The following PALS2 variants were observed in gnomAD, a reference collection of about 807,000 sequenced individuals.
PALS2 encodes protein associated with LIN7 2, MAGUK p55 family member.
PALS2 carries 27 observed loss-of-function variants against 61.6 expected under a neutral mutation model. The observed-to-expected ratio is 0.44, with a 90% CI of 0.32 to 0.60. The LOEUF (loss-of-function observed/expected upper bound fraction) is 0.60, where lower values mean the gene tolerates loss of function less well. Ranked by LOEUF, PALS2 falls within the 20% of genes least tolerant of loss-of-function variation. The pLI, the probability that PALS2 is intolerant of heterozygous loss-of-function variation, is 0.05. For missense variants in PALS2, 554 were observed against 639.4 expected, an observed-to-expected ratio of 0.87 and a Z score of 1.44; for synonymous variants, 236 against 218.6, an observed-to-expected ratio of 1.08 and a Z score of -0.70.
At chr7:24,597,562 T>A (rs1033582108) in intron 1 of PALS2, among the ~76,000 whole-genome samples, 2 of 152,190 alleles carry the variant, frequency 1.3e-5, no homozygotes, top group African/African-American at 4.8e-5. Context: ...ATGGAGAAGA[T>A]GTTAGCACAT....
At chr7:24,631,795 CTG>C (rs1785007284) in intron 2 of PALS2, among the ~76,000 whole-genome samples, 3 of 152,218 alleles carry the variant, frequency 2.0e-5, no homozygotes, top group South Asian at 4.1e-4. Flanking sequence ...GATTTTGACT[CTG>C]TGAAGGCTCT....
chr7:24,595,927 T>C (rs972533243), intron 1 of PALS2, among the ~76,000 whole-genome samples: 5 of 151,622 alleles, frequency 3.3e-5, no homozygotes, highest in Non-Finnish European at 7.4e-5. Flanking sequence ...AGATGGGAGA[T>C]GAACTGGTCT....
intron 2 of PALS2, among the ~76,000 whole-genome samples, chr7:24,640,816 G>T (rs923057569): frequency 6.6e-6 from 1 of 151,938 alleles, no homozygotes; most frequent in Non-Finnish European, 1.5e-5. Context: ...AGACCATCCT[G>T]GCTAACATGG....
At chr7:24,575,333 A>T (rs1489712906) in intron 1 of PALS2, among the ~76,000 whole-genome samples, 1 of 152,204 alleles carries the variant, frequency 6.6e-6, no homozygotes, top group Non-Finnish European at 1.5e-5. Context: ...TAGTAGCTCT[A>T]TATAAGACAG....
chr7:24,669,892 C>T (rs1298162150), intron 9 of PALS2, among the ~76,000 whole-genome samples: 6 of 152,158 alleles, frequency 3.9e-5, no homozygotes, highest in African/African-American at 1.4e-4. Flanking sequence ...TAAAGCTGCA[C>T]TTGTGAAGTA....
intron 1 of PALS2, among the ~76,000 whole-genome samples, chr7:24,586,597 C>A (rs1783073366): frequency 1.3e-5 from 2 of 152,084 alleles, no homozygotes; most frequent in Admixed American, 1.3e-4. Flanking sequence ...AATAAGAGTG[C>A]ATTAGGTTGA....
At chr7:24,579,623 C>T (rs1330383035) in intron 1 of PALS2, among the ~76,000 whole-genome samples, 2 of 151,934 alleles carry the variant, frequency 1.3e-5, no homozygotes, top group Non-Finnish European at 2.9e-5. Flanking sequence ...CGAGATTTTC[C>T]GATACTTTGT....
At chr7:24,667,901 C>A (rs915041640) in intron 8 of PALS2, among the ~76,000 whole-genome samples, 4 of 151,934 alleles carry the variant, frequency 2.6e-5, no homozygotes, top group African/African-American at 9.7e-5. Context: ...CTCTTGACCT[C>A]GTGATTCGCC....
chr7:24,687,440 C>T lies in PALS2; in HGVS notation c.1449C>T (p.Asp483=), dbSNP rs773590524. The change falls in exon 12 of 12, where the codon GAC becomes GAT. Residue 483 remains aspartate, a splice_region_variant and synonymous_variant. Coordinates refer to ENST00000222644, the MANE Select transcript of PALS2 (RefSeq NM_001303037.2). The surrounding 1 kb of genome is among the most constrained non-coding windows in gnomAD (Gnocchi z 4.5). ...TTCCTTTTAAAACTCTTCAACAGGACTCTGACTTGAAGAAAACAGTGGATG... is the reference window on the plus strand; with the variant it reads ...TTCCTTTTAAAACTCTTCAACAGGATTCTGACTTGAAGAAAACAGTGGATG... ...DAGITTKLLT[D]SDLKKTVDES... 2.5e-6 allele frequency: 4 copies of T among 1,607,068 alleles called. No individual in the cohort carries two copies. In the South Asian group the frequency reaches 4.5e-5, roughly 18 times the overall value.
chr7:24,586,117 C>T lies in PALS2; in HGVS notation c.-3+12524C>T, dbSNP rs1783055925. On this transcript the variant is annotated intron_variant, in intron 1 of 11. Coordinates refer to ENST00000222644, the MANE Select transcript of PALS2 (RefSeq NM_001303037.2). Reference sequence around the variant, plus strand: ...AGGGAAGAAGCAGTTTCTTTGTATTCCCCCAGTCAGGCATCATCCATGAAC... The same window carrying T: ...AGGGAAGAAGCAGTTTCTTTGTATTTCCCCAGTCAGGCATCATCCATGAAC... Among the ~76,000 whole-genome samples, 3 of 151,080 alleles carry T rather than the reference C, an allele frequency of 2.0e-5. No homozygotes were observed. In the South Asian group the frequency reaches 6.3e-4, roughly 32 times the overall value.
intron 1 of PALS2, among the ~76,000 whole-genome samples, chr7:24,575,981 A>T (rs1224974061): frequency 2.0e-5 from 3 of 152,066 alleles, no homozygotes; most frequent in African/African-American, 7.2e-5. Context: ...TTAAATCAGA[A>T]CTCTACTTCA....
In PALS2 at chr7:24,687,001, G is replaced by T. The variant is rs1788237399; in HGVS notation, c.1447-437G>T. Among the ~76,000 whole-genome samples, 1 of 152,184 alleles carries T rather than the reference G, an allele frequency of 6.6e-6. No individual in the cohort carries two copies. The highest frequency in any genetic ancestry group is 1.9e-4 in the East Asian group (1 of 5,190). ...TTCTAAGATTCTCTGATCTTATAGA[G>T]AGGTAGCAAGTTTGGCTTTGAGCTT... On this transcript the variant is annotated intron_variant, in intron 11 of 11. Coordinates refer to ENST00000222644, the MANE Select transcript of PALS2 (RefSeq NM_001303037.2). This position sits in a 1 kb window ranked among gnomAD's most constrained non-coding sequence, Gnocchi z 4.5.
chr7:24,586,032 G>C (rs1204830656), intron 1 of PALS2, among the ~76,000 whole-genome samples: 1 of 152,100 alleles, frequency 6.6e-6, no homozygotes, highest in Non-Finnish European at 1.5e-5. Flanking sequence ...CTGAAAGCAA[G>C]TCTGTTTATA....
At chr7:24,606,514 TAGTC>T (rs147699499) in intron 1 of PALS2, among the ~76,000 whole-genome samples, 5,927 of 152,278 alleles carry the variant, frequency 0.039, 150 homozygotes, top group Non-Finnish European at 0.058. Flanking sequence ...TTTGAAAAAT[TAGTC>T]AGAAAGAGAT....
In PALS2 at chr7:24,687,693, A is replaced by G; in HGVS notation, c.*79A>G. ...AATAAACCTTCTACTGAGAAAATAC[A>G]TCACAGATAGAAGATTATCTGCTAA... On this transcript the variant is annotated 3_prime_UTR_variant, in exon 12 of 12. Transcript: ENST00000222644. This position sits in a 1 kb window ranked among gnomAD's most constrained non-coding sequence, Gnocchi z 4.5. 8 of 1,356,258 alleles carry G rather than the reference A, an allele frequency of 5.9e-6. No individual in the cohort carries two copies. The highest frequency in any genetic ancestry group is 8.0e-6 in the Non-Finnish European group (8 of 1,003,952). The allele number at this position is 1,356,258 out of a possible 1,614,324, so 84.0% of individuals were successfully genotyped here.
At chr7:24,630,745 T>C (rs1784963738) in intron 2 of PALS2, among the ~76,000 whole-genome samples, 1 of 152,200 alleles carries the variant, frequency 6.6e-6, no homozygotes. Flanking sequence ...CTGAAGATCC[T>C]AGAGCCCTTA....
At chr7:24,576,403 G>C (rs1302979249) in intron 1 of PALS2, among the ~76,000 whole-genome samples, 2 of 152,186 alleles carry the variant, frequency 1.3e-5, no homozygotes, top group African/African-American at 4.8e-5. Context: ...TACATTGGCT[G>C]CTAATCCTGG....
chr7:24,665,508 G>T, intron 6 of PALS2, 80 bp from the exon 7 acceptor site: 1 of 1,268,180 alleles, frequency 7.9e-7, no homozygotes, highest in South Asian at 1.3e-5. Flanking sequence ...TTTTTTGACT[G>T]ACCACTGCTT....
Position 24,668,594 on chromosome 7 carries a change from G to A in PALS2, c.1048G>A (p.Gly350Ser). Residue 350 changes from glycine (G) to serine (S), a missense_variant, in exon 9 of 12, where the codon GGC (glycine) becomes AGC (serine). By Grantham distance (56) the Gly-to-Ser change is moderately conservative (BLOSUM62 0). Transcript: ENST00000222644. Reference protein sequence around the residue: ...TLVLIGAQGVGRRSLKNRFIV... With the variant: ...TLVLIGAQGVSRRSLKNRFIV... ...AGTATTGATAGGAGCTCAAGGTGTA[G>A]GCCGAAGAAGCTTGAAAAACAGGTT... 3.7e-6 allele frequency: 6 copies of A among 1,613,934 alleles called. No individual in the cohort carries two copies. Among genetic ancestry groups the A allele is most frequent in the Non-Finnish European group, 5.1e-6 (6 of 1,179,940 alleles).
Sources: allele counts gnomAD v4.1 joint callset (sites outside exome capture counted in the v4.1 genomes callset), GRCh38; gene constraint gnomAD v4.1.1; non-coding constraint Gnocchi (gnomAD v3.1); transcripts MANE v1.5; gene names NCBI Gene and HGNC (gene_info 2026-07-23, HGNC 2026-07-21).